Variants in MED26 observed in about 807,000 individuals in gnomAD.
MED26 encodes the protein mediator of RNA polymerase II transcription subunit 26.
Under a neutral mutation model 43.7 loss-of-function variants are expected in MED26, and 7 were observed. The observed-to-expected ratio is 0.16, with a 90% CI of 0.09 to 0.30. The LOEUF is 0.30. Among genes scored for constraint, MED26 ranks in the 10% least tolerant of loss-of-function variants. MED26 has a pLI of 1.00. For missense variants in MED26, 784 were observed against 840.6 expected (o/e 0.93, Z 0.83); for synonymous variants, 375 against 371.1 (o/e 1.01, Z -0.12).
At chr19:16,622,761 G>A (rs566247321) in intron 1 of MED26, among the ~76,000 whole-genome samples, 11 of 152,316 alleles carry the variant, frequency 7.2e-5, no homozygotes, top group East Asian at 3.9e-4. Context: ...AAAGCACAAC[G>A]TGCAGTAACA....
In MED26 at chr19:16,587,588, G is replaced by A. The variant is rs1461885245; in HGVS notation, c.73-9179C>T. The stretch of plus-strand genomic sequence containing the variant: ...ATGACACTGGGAGGAACAATGACGG[G>A]AAGGTGCATGTCTCGGCCACAGCCA... On this transcript the variant is annotated intron_variant, in intron 1 of 2. Transcript: ENST00000263390. The surrounding 1 kb of genome is among the most constrained non-coding windows in gnomAD (Gnocchi z 4.9). 6.6e-6 allele frequency: 1 copy of A among 152,268 alleles called. No homozygotes were observed. Among genetic ancestry groups the A allele is most frequent in the African/African-American group, 2.4e-5 (1 of 41,442 alleles). 9.4% of individuals were successfully genotyped at this position (152,268 alleles called of 1,614,324 possible).
chr19:16,621,658 G>C (rs561761254), intron 1 of MED26, among the ~76,000 whole-genome samples: 1 of 151,708 alleles, frequency 6.6e-6, no homozygotes, highest in Admixed American at 6.6e-5. Flanking sequence ...AGAACCTCCC[G>C]GTACTTGGAT....
At chr19:16,607,420 C>T (rs997047987) in intron 1 of MED26, among the ~76,000 whole-genome samples, 3 of 151,212 alleles carry the variant, frequency 2.0e-5, no homozygotes, top group African/African-American at 4.9e-5. Flanking sequence ...TTGTGTGCCT[C>T]GTGCCTTCTG....
intron 1 of MED26, among the ~76,000 whole-genome samples, chr19:16,590,925 A>C (rs112080070): frequency 1.3e-3 from 195 of 152,126 alleles, no homozygotes; most frequent in African/African-American, 4.6e-3. Flanking sequence ...CTGTAATCCC[A>C]GCTACTTGGG....
chr19:16,576,995 G>T lies in MED26; in HGVS notation c.835C>A (p.Arg279=), dbSNP rs201182566. Residue 279 remains arginine, a synonymous_variant, in exon 3 of 3, where the codon CGG becomes AGG. Transcript: ENST00000263390. The surrounding 1 kb of genome is among the most constrained non-coding windows in gnomAD (Gnocchi z 6.8). The stretch of plus-strand genomic sequence containing the variant: ...TGCCGGGCAAAGGAGCCCTCATGCC[G>T]TGAGTTCCGAGGACTGAAAGAGCAG... ...PRCSFSPRNS[R]HEGSFARQQS... 1 of 1,606,836 alleles carries T rather than the reference G, an allele frequency of 6.2e-7. No individual in the cohort carries two copies. The highest frequency in any genetic ancestry group is 8.5e-7 in the Non-Finnish European group (1 of 1,175,316).
chr19:16,613,906 G>C (rs771254768), intron 1 of MED26, among the ~76,000 whole-genome samples: 8 of 152,172 alleles, frequency 5.3e-5, no homozygotes, highest in African/African-American at 9.7e-5. Context: ...CTTGGTGACA[G>C]AATCAATGAT....
chr19:16,608,707 T>A (rs954149474), intron 1 of MED26, among the ~76,000 whole-genome samples: 16 of 152,346 alleles, frequency 1.1e-4, no homozygotes, highest in African/African-American at 3.8e-4. Context: ...ACAGTCACGC[T>A]CATTCACTCA....
chr19:16,591,116 G>A (rs1306707614), intron 1 of MED26, among the ~76,000 whole-genome samples: 1 of 151,908 alleles, frequency 6.6e-6, no homozygotes, highest in Non-Finnish European at 1.5e-5. Flanking sequence ...AAACACCCAT[G>A]GAGGCAGACA....
At chr19:16,585,624 T>C (rs1304291459) in intron 1 of MED26, among the ~76,000 whole-genome samples, 4 of 152,148 alleles carry the variant, frequency 2.6e-5, no homozygotes, top group African/African-American at 9.7e-5. Flanking sequence ...CAGAACTTTC[T>C]TTCCAGGTTT....
chr19:16,625,006 A>G (rs781293220), intron 1 of MED26, among the ~76,000 whole-genome samples: 1 of 152,210 alleles, frequency 6.6e-6, no homozygotes, highest in Non-Finnish European at 1.5e-5. Context: ...ACTGCTCACT[A>G]TGACTGCTGT....
chr19:16,582,808 A>G lies in MED26; in HGVS notation c.73-4399T>C, dbSNP rs376690049. Among the ~76,000 whole-genome samples the G allele has an allele frequency of 9.2e-5, 14 of 152,354 alleles. 1 individual carries two copies. In the East Asian group the frequency reaches 1.5e-3, roughly 17 times the overall value. ...ACCGACTTCCATGCTGGAAAGCAGA[A>G]AAGAGCTGGAGAAGGATGGGCAGGG... On this transcript the variant is annotated intron_variant, in intron 1 of 2. Coordinates refer to ENST00000263390, the MANE Select transcript of MED26 (RefSeq NM_004831.5).
rs1568281744 is a variant in MED26 at position 16,586,688 on chromosome 19, G to GCA, written c.73-8281_73-8280dup. ...TGGCCCTGGGAACAGTGCACATGGA[G>GCA]CACAGACTGCAGTTCTGCACTCCCC... On this transcript the variant is annotated intron_variant, in intron 1 of 2. Coordinates refer to ENST00000263390, the MANE Select transcript of MED26 (RefSeq NM_004831.5). The surrounding 1 kb of genome is among the most constrained non-coding windows in gnomAD (Gnocchi z 5.1). Among the ~76,000 whole-genome samples, 1 of 152,244 alleles carries GCA rather than the reference G, an allele frequency of 6.6e-6. No homozygotes were observed. Among genetic ancestry groups the GCA allele is most frequent in the East Asian group, 1.9e-4 (1 of 5,160 alleles).
chr19:16,627,813 GA>G, intron 1 of MED26, 58 bp downstream of exon 1: 1 of 1,303,166 alleles, frequency 7.7e-7, no homozygotes. Flanking sequence ...GGGTACAGGA[GA>G]GGGGGAGGGT....
chr19:16,599,051 G>C (rs1472579963), intron 1 of MED26, among the ~76,000 whole-genome samples: 1 of 152,190 alleles, frequency 6.6e-6, no homozygotes, highest in Non-Finnish European at 1.5e-5. Context: ...CTCCTGGAGG[G>C]CCTCATGTGT....
At chr19:16,579,529 GCCACA>G (rs1469300954) in intron 1 of MED26, among the ~76,000 whole-genome samples, 1 of 152,174 alleles carries the variant, frequency 6.6e-6, no homozygotes, top group African/African-American at 2.4e-5. Context: ...CTTGCTAGGA[GCCACA>G]CCTTGTTCTA....
chr19:16,577,349 G>A lies in MED26; in HGVS notation c.481C>T (p.Pro161Ser). The part of the protein sequence containing the change: ...GDQRDLGHPG[P>S]PPKVSKASHD... Reference sequence around the variant, plus strand: ...CTAGCTTTGGAGACCTTGGGTGGCGGCCCTGGGTGGCCGAGGTCACGCTGG... The same window carrying A: ...CTAGCTTTGGAGACCTTGGGTGGCGACCCTGGGTGGCCGAGGTCACGCTGG... Residue 161 changes from proline (P) to serine (S), a missense_variant, in exon 3 of 3, where the codon CCG becomes TCG. Around this residue, in one of 3 missense-constraint regions of MED26, gnomAD observed 719 missense variants for 730.9 expected, o/e 0.98. Coordinates refer to ENST00000263390, the MANE Select transcript of MED26 (RefSeq NM_004831.5). The surrounding 1 kb of genome is among the most constrained non-coding windows in gnomAD (Gnocchi z 8.1). 1 of 1,611,642 alleles carries A rather than the reference G, an allele frequency of 6.2e-7. No individual in the cohort carries two copies. Among genetic ancestry groups the A allele is most frequent in the Non-Finnish European group, 8.5e-7 (1 of 1,179,106 alleles).
chr19:16,624,135 A>C (rs1435795153), intron 1 of MED26: 1 of 152,058 alleles, frequency 6.6e-6, no homozygotes, highest in Admixed American at 6.5e-5. Flanking sequence ...CCCCTTCTAG[A>C]ACAATTGACA....
chr19:16,575,448 GC>G lies in MED26; in HGVS notation c.*578del, dbSNP rs2085988483. 6.5e-6 allele frequency: 1 copy of G among 153,124 alleles called. No individual in the cohort carries two copies. Among genetic ancestry groups the G allele is most frequent in the Non-Finnish European group, 1.5e-5 (1 of 68,452 alleles). The allele number at this position is 153,124 out of a possible 1,614,324, so 9.5% of individuals were successfully genotyped here. A position where few individuals can be genotyped will look rare whatever the true frequency, so the allele number is the denominator to read the frequency against. On this transcript the variant is annotated 3_prime_UTR_variant, in exon 3 of 3. Coordinates refer to ENST00000263390, the MANE Select transcript of MED26 (RefSeq NM_004831.5). ...CACTGGCTGGCCAGCTGGCCCGCCT[GC>G]CCAATGCCAGTGGCTCACCACAGCT...
intron 1 of MED26, among the ~76,000 whole-genome samples, chr19:16,598,727 AAGACC>A (rs1213689952): frequency 6.6e-6 from 1 of 152,154 alleles, no homozygotes; most frequent in Non-Finnish European, 1.5e-5. Context: ...TGGGCCACTG[AAGACC>A]TCACTTCTGA....
Sources: allele counts gnomAD v4.1 joint callset (sites outside exome capture counted in the v4.1 genomes callset), GRCh38; gene constraint gnomAD v4.1.1; regional missense constraint gnomAD v4.1.1; non-coding constraint Gnocchi (gnomAD v3.1); transcripts MANE v1.5; gene names NCBI Gene and HGNC (gene_info 2026-07-23, HGNC 2026-07-21).